GSDME: variants seen among roughly 807,000 people sequenced by gnomAD.
GSDME encodes the protein gasdermin-E.
In GSDME, 44 loss-of-function variants were observed where a neutral mutation model predicts 47.5. That is an observed-to-expected ratio of 0.93 (90% CI 0.73 to 1.19). The LOEUF (loss-of-function observed/expected upper bound fraction) is 1.19, where lower values mean the gene tolerates loss of function less well. Among genes scored for constraint, GSDME ranks in the 50% most tolerant of loss-of-function variants. The pLI is 0.00. For synonymous variants in GSDME, 258 were observed against 252.8 expected (o/e 1.02, Z -0.20); for missense variants, 663 against 604.2 (o/e 1.10, Z -1.02).
At position 24,732,381 on chromosome 7, in the gene GSDME, G is replaced by C. The variant is rs1388908218; in HGVS notation, c.404+12181C>G. The stretch of plus-strand genomic sequence containing the variant: ...AAGGACCAGGAGCAGAGCAAGATGG[G>C]TGAATGGAAGCCTCCCGTGATTGTT... On this transcript the variant is annotated intron_variant, in intron 3 of 9. Transcript: ENST00000645220. This position sits in a 1 kb window ranked among gnomAD's most constrained non-coding sequence, Gnocchi z 4.8. Among the ~76,000 whole-genome samples the C allele has an allele frequency of 1.3e-5, 2 of 152,160 alleles. No homozygotes were observed. The highest frequency in any genetic ancestry group is 4.8e-5 in the African/African-American group (2 of 41,438).
chr7:24,771,671 T>A, the GSDME span, among the ~76,000 whole-genome samples: 1 of 152,146 alleles, frequency 6.6e-6, no homozygotes, highest in Non-Finnish European at 1.5e-5. The surrounding 1 kb of genome is among the most constrained non-coding windows in gnomAD (Gnocchi z 4.1). Flanking sequence ...CCCAGAGAGC[T>A]TGGAAAAGAG....
rs1790286766 is a variant in GSDME, at chr7:24,735,780, TAAATAAA to T, written c.404+8775_404+8781del. 6.7e-6 allele frequency among the ~76,000 whole-genome samples: 1 copy of T among 148,316 alleles called. No homozygotes were observed. Among genetic ancestry groups the T allele is most frequent in the Non-Finnish European group, 1.5e-5 (1 of 67,056 alleles). ...TCTCAAAAATAAATAAATAAATAAATAAATAAATAAATAAATAAATAAATAAAACTAC... is the reference window on the plus strand; with the variant it reads ...TCTCAAAAATAAATAAATAAATAAATTAAATAAATAAATAAATAAAACTAC... On this transcript the variant is annotated intron_variant, in intron 3 of 9. Transcript: ENST00000645220. The surrounding 1 kb of genome is among the most constrained non-coding windows in gnomAD (Gnocchi z 4.4).
chr7:24,715,605 A>G, intron 5 of GSDME: 1 of 420,418 alleles, frequency 2.4e-6, no homozygotes, highest in South Asian at 1.8e-5. Flanking sequence ...TGGTGACCCT[A>G]CTTACCACAT....
rs1304371573 is a variant in GSDME, at chr7:24,716,435, T to A, written c.697+819A>T. On this transcript the variant is annotated intron_variant, in intron 5 of 9. Coordinates refer to ENST00000645220, the MANE Select transcript of GSDME (RefSeq NM_001127453.2). This position sits in a 1 kb window ranked among gnomAD's most constrained non-coding sequence, Gnocchi z 4.5. ...CTCATTTTTATAAATATAACTATAA[T>A]ACCATTGTCACACCTAAAAAACTTC... 1 of 152,404 alleles carries A rather than the reference T, an allele frequency of 6.6e-6. No homozygotes were observed. The highest frequency in any genetic ancestry group is 1.5e-5 in the Non-Finnish European group (1 of 68,196). 9.4% of individuals were successfully genotyped at this position (152,404 alleles called of 1,614,324 possible).
At position 24,744,081 on chromosome 7, in the gene GSDME, C is replaced by T. The variant is rs1191549821; in HGVS notation, c.404+481G>A. The T allele has an allele frequency of 4.6e-6, 1 of 219,196 alleles. No individual in the cohort carries two copies. The highest frequency in any genetic ancestry group is 1.2e-4 in the East Asian group (1 of 8,280). 13.6% of individuals were successfully genotyped at this position (219,196 alleles called of 1,614,324 possible). A position where few individuals can be genotyped will look rare whatever the true frequency, so the allele number is the denominator to read the frequency against. ...GCTATAGTGTGGTAAGATGTATTTACCGAAAGCCAAACAATGAATAAATGT... is the reference window on the plus strand; with the variant it reads ...GCTATAGTGTGGTAAGATGTATTTATCGAAAGCCAAACAATGAATAAATGT... On this transcript the variant is annotated intron_variant, in intron 3 of 9. Coordinates refer to ENST00000645220, the MANE Select transcript of GSDME (RefSeq NM_001127453.2). This position sits in a 1 kb window ranked among gnomAD's most constrained non-coding sequence, Gnocchi z 4.5.
rs1788730823 is a variant in GSDME, at chr7:24,698,601, CGT to C, written c.*423_*424del. On this transcript the variant is annotated 3_prime_UTR_variant, in exon 10 of 10. Coordinates refer to ENST00000645220, the MANE Select transcript of GSDME (RefSeq NM_001127453.2). ...CAAATAACATACATCACTTCCAAAACGTAGCCTCTTGTGTGCAGAGAAATTGC... is the reference window on the plus strand; with the variant it reads ...CAAATAACATACATCACTTCCAAAACAGCCTCTTGTGTGCAGAGAAATTGC... The C allele has an allele frequency of 7.5e-6, 2 of 266,124 alleles. No homozygotes were observed. The highest frequency in any genetic ancestry group is 4.5e-5 in the African/African-American group (2 of 44,582). 16.5% of individuals were successfully genotyped at this position (266,124 alleles called of 1,614,324 possible).
chr7:24,735,474 G>A lies in GSDME; in HGVS notation c.404+9088C>T, dbSNP rs541325251. Among the ~76,000 whole-genome samples, 54 of 152,178 alleles carry A rather than the reference G, an allele frequency of 3.5e-4. No individual in the cohort carries two copies. The highest frequency in any genetic ancestry group is 1.3e-3 in the African/African-American group (53 of 41,510). ...GAACCAATTAAAAATAGTAACTACA[G>A]GGCCGGGCACAGTGGCTCACGCCTG... On this transcript the variant is annotated intron_variant, in intron 3 of 9. Coordinates refer to ENST00000645220, the MANE Select transcript of GSDME (RefSeq NM_001127453.2). The surrounding 1 kb of genome is among the most constrained non-coding windows in gnomAD (Gnocchi z 4.4).
At chr7:24,779,523 G>GTGTGTGTGTGTGTGTGTGTC in the GSDME span, among the ~76,000 whole-genome samples, 1 of 151,908 alleles carries the variant, frequency 6.6e-6, no homozygotes, top group African/African-American at 2.4e-5. This position sits in a 1 kb window ranked among gnomAD's most constrained non-coding sequence, Gnocchi z 6.0. Context: ...GTGTGTGTGT[G>GTGTGTGTGTGTGTGTGTGTC]TGTGTGTCTG....
chr7:24,730,566 C>T (rs1250744208), intron 3 of GSDME, among the ~76,000 whole-genome samples: 2 of 152,192 alleles, frequency 1.3e-5, no homozygotes, highest in Non-Finnish European at 2.9e-5. Context: ...CCTGTAATCC[C>T]AGCACTTTGG....
At chr7:24,723,037 C>A (rs1562700376) in intron 3 of GSDME, among the ~76,000 whole-genome samples, 1 of 152,322 alleles carries the variant, frequency 6.6e-6, no homozygotes, top group East Asian at 1.9e-4. Flanking sequence ...CCTGGGCAAC[C>A]AAGGCAGGGC....
the GSDME span, among the ~76,000 whole-genome samples, chr7:24,766,043 C>A: frequency 6.6e-6 from 1 of 152,096 alleles, no homozygotes; most frequent in Non-Finnish European, 1.5e-5. The surrounding 1 kb of genome is among the most constrained non-coding windows in gnomAD (Gnocchi z 4.2). Context: ...CATATTTTTA[C>A]CTTTAGGTAA....
chr7:24,766,205 G>GTGTGTGTA, the GSDME span, among the ~76,000 whole-genome samples: 3 of 148,968 alleles, frequency 2.0e-5, no homozygotes, highest in African/African-American at 7.3e-5. The surrounding 1 kb of genome is among the most constrained non-coding windows in gnomAD (Gnocchi z 4.2). Flanking sequence ...GTGTGTGTGT[G>GTGTGTGTA]TGTGTGTGTG....
At chr7:24,706,129 G>C in intron 8 of GSDME, 55 bp downstream of exon 8, 1 of 1,600,006 alleles carries the variant, frequency 6.2e-7, no homozygotes. Context: ...ATAGATAGTA[G>C]GCAAAGCATT....
At position 24,744,062 on chromosome 7, in the gene GSDME, G is replaced by T. The variant is rs982532331; in HGVS notation, c.404+500C>A. 1.9e-5 allele frequency: 4 copies of T among 212,968 alleles called. No individual in the cohort carries two copies. Among genetic ancestry groups the T allele is most frequent in the Non-Finnish European group, 3.8e-5 (4 of 105,638 alleles). The allele number at this position is 212,968 out of a possible 1,614,324, so 13.2% of individuals were successfully genotyped here. A position where few individuals can be genotyped will look rare whatever the true frequency, so the allele number is the denominator to read the frequency against. On this transcript the variant is annotated intron_variant, in intron 3 of 9. Coordinates refer to ENST00000645220, the MANE Select transcript of GSDME (RefSeq NM_001127453.2). The surrounding 1 kb of genome is among the most constrained non-coding windows in gnomAD (Gnocchi z 4.5). ...GAGGTAAGAATAATGATGAGCTATA[G>T]TGTGGTAAGATGTATTTACCGAAAG...
the GSDME span, among the ~76,000 whole-genome samples, chr7:24,790,406 T>C: frequency 6.6e-6 from 1 of 152,218 alleles, no homozygotes; most frequent in South Asian, 2.1e-4. This position sits in a 1 kb window ranked among gnomAD's most constrained non-coding sequence, Gnocchi z 4.1. Context: ...TACCTATAGC[T>C]ATGCTTCTCT....
chr7:24,749,439 T>A, intron 2 of GSDME, 125 bp downstream of exon 2: 1 of 815,516 alleles, frequency 1.2e-6, no homozygotes. Flanking sequence ...GAGGCAGAGG[T>A]TGCAATGGGC....
the GSDME span, among the ~76,000 whole-genome samples, chr7:24,782,432 T>C: frequency 6.6e-6 from 1 of 152,224 alleles, no homozygotes; most frequent in Admixed American, 6.5e-5. Context: ...TTCCATGGTG[T>C]ATATATGCCA....
upstream of GSDME, chr7:24,757,469 CGGCGGGGGGCG>C (rs1791074389): frequency 6.6e-6 from 1 of 151,606 alleles, no homozygotes; most frequent in Non-Finnish European, 1.5e-5. The surrounding 1 kb of genome is among the most constrained non-coding windows in gnomAD (Gnocchi z 5.9). Flanking sequence ...TGCGCTGGGC[CGGCGGGGGGCG>C]GGCGCTTGGG....
In GSDME at chr7:24,744,923, CGT is replaced by C. The variant is rs3038356; in HGVS notation, c.212-171_212-170del. On this transcript the variant is annotated intron_variant, in intron 2 of 9. Coordinates refer to ENST00000645220, the MANE Select transcript of GSDME (RefSeq NM_001127453.2). This position sits in a 1 kb window ranked among gnomAD's most constrained non-coding sequence, Gnocchi z 4.5. ...GTGTGGGCAAGAAAACAGGGCAGCA[CGT>C]GTGTGTGTGTGTGTGTGTGTGTGTG... Among the ~76,000 whole-genome samples the C allele has an allele frequency of 0.011, 1,531 of 140,144 alleles. 18 individuals carry two copies. The highest frequency in any genetic ancestry group is 0.024 in the African/African-American group (897 of 37,138). 91.9% of individuals were successfully genotyped at this position (140,144 alleles called of 152,430 possible). A position where few individuals can be genotyped will look rare whatever the true frequency, so the allele number is the denominator to read the frequency against.
Sources: gnomAD v4.1 joint callset for allele counts (sites outside exome capture counted in the v4.1 genomes callset) on GRCh38, gnomAD v4.1.1 for gene constraint, Gnocchi (gnomAD v3.1) non-coding constraint, MANE v1.5 for transcripts, NCBI Gene and HGNC (gene_info 2026-07-23, HGNC 2026-07-21) for gene names.